TRIM67: variants seen among roughly 807,000 people sequenced by gnomAD.
TRIM67 encodes tripartite motif-containing protein 67.
Under a neutral mutation model 71.0 loss-of-function variants are expected in TRIM67, and 39 were observed. The ratio of observed to expected loss-of-function variants is 0.55; its 90% CI spans 0.43 to 0.72. The LOEUF (loss-of-function observed/expected upper bound fraction) is 0.72. Among genes scored for constraint, TRIM67 ranks in the 30% least tolerant of loss-of-function variants. The pLI is 0.00. For synonymous variants in TRIM67, 481 were observed against 473.9 expected (o/e 1.01, Z -0.19); for missense variants, 973 against 1,079.2 (o/e 0.90, Z 1.38).
At position 231,217,589 on chromosome 1, in the gene TRIM67, G is replaced by GA. The variant is rs11443571; in HGVS notation, c.*2158dup. The GA allele has an allele frequency of 0.034, 33,493 of 993,240 alleles. 1,869 individuals are homozygous for GA. The highest frequency in any genetic ancestry group is 0.25 in the African/African-American group (14,953 of 58,700). 61.5% of individuals were successfully genotyped at this position (993,240 alleles called of 1,614,324 possible). On this transcript the variant is annotated 3_prime_UTR_variant, in exon 10 of 10. Coordinates refer to ENST00000366653, the MANE Select transcript of TRIM67 (RefSeq NM_001004342.5). ...TTTGGGAAGTGTCTAGCTCTCTTCT[G>GA]AAAAAAAAACAGGCCTACACCCTGC...
chr1:231,188,946 A>G (rs1683159604), intron 1 of TRIM67, among the ~76,000 whole-genome samples: 1 of 152,186 alleles, frequency 6.6e-6, no homozygotes, highest in Non-Finnish European at 1.5e-5. Context: ...TGTTCTCCAC[A>G]AGATCCACTT....
rs753688132 is a variant in TRIM67, at chr1:231,213,983, C to T, written c.2286+6C>T. On this transcript the variant is annotated splice_donor_region_variant and intron_variant, in intron 9 of 9. Transcript: ENST00000366653. The stretch of plus-strand genomic sequence containing the variant: ...GCCTCAACCGCAACGTGCAGGTACA[C>T]ACCTCCCCAGGGCCGGACCTGGTCT... The T allele has an allele frequency of 2.4e-5, 39 of 1,605,774 alleles. No individual in the cohort carries two copies. The Admixed American group carries it at 5.4e-4, about 22-fold the overall frequency.
chr1:231,205,474 C>T (rs1045211073), intron 6 of TRIM67, among the ~76,000 whole-genome samples: 14 of 152,014 alleles, frequency 9.2e-5, no homozygotes, highest in Middle Eastern at 3.2e-3. Flanking sequence ...ACCCGTAATC[C>T]CAGCACTTTG....
intron 7 of TRIM67, among the ~76,000 whole-genome samples, chr1:231,208,175 A>ATT (rs533982063): frequency 1.1e-4 from 15 of 138,440 alleles, no homozygotes; most frequent in African/African-American, 2.4e-4. Flanking sequence ...TGTCCAGCGA[A>ATT]TTTTTTTTTT....
chr1:231,201,273 A>G, intron 4 of TRIM67, 85 bp from the exon 5 acceptor site: 1 of 1,441,878 alleles, frequency 6.9e-7, no homozygotes, highest in East Asian at 2.5e-5. Flanking sequence ...TCCCATAGAG[A>G]CAAAGTCCCT....
chr1:231,164,207 A>T (rs912681176), intron 1 of TRIM67, among the ~76,000 whole-genome samples, 194 bp downstream of exon 1: 1 of 152,212 alleles, frequency 6.6e-6, no homozygotes, highest in African/African-American at 2.4e-5. Context: ...TTTGGACTGG[A>T]TGCTGGAGAT....
chr1:231,219,899 C>A lies in TRIM67; in HGVS notation c.*4459C>A. 3.9e-6 allele frequency: 5 copies of A among 1,289,864 alleles called. No individual in the cohort carries two copies. Among genetic ancestry groups the A allele is most frequent in the Non-Finnish European group, 5.1e-6 (5 of 988,908 alleles). 79.9% of individuals were successfully genotyped at this position (1,289,864 alleles called of 1,614,324 possible). On this transcript the variant is annotated 3_prime_UTR_variant, in exon 10 of 10. Transcript: ENST00000366653. ...TAAAAATATGAGGGCAGGTTTCGGG[C>A]AGGATGTATTGATCAGACACCAAGT...
Position 231,209,283 on chromosome 1 carries a change from C to T in TRIM67, c.2123+33C>T. 1.3e-6 allele frequency: 2 copies of T among 1,508,282 alleles called. No homozygotes were observed. Among genetic ancestry groups the T allele is most frequent in the Non-Finnish European group, 1.8e-6 (2 of 1,123,944 alleles). The allele number at this position is 1,508,282 out of a possible 1,614,324, so 93.4% of individuals were successfully genotyped here. ...TGGGCCCCATCCTGCCTCCCGTGGA[C>T]ACAGGTTGTTTGGGAATGAGGGTCC... is the stretch of plus-strand genomic sequence containing the variant. On this transcript the variant is annotated intron_variant, in intron 8 of 9. Coordinates refer to ENST00000366653, the MANE Select transcript of TRIM67 (RefSeq NM_001004342.5). This position sits in a 1 kb window ranked among gnomAD's most constrained non-coding sequence, Gnocchi z 4.1.
intron 8 of TRIM67, among the ~76,000 whole-genome samples, chr1:231,210,602 A>T (rs1291247003): frequency 2.0e-5 from 3 of 151,522 alleles, no homozygotes; most frequent in Non-Finnish European, 2.9e-5. Context: ...TGGCACCCAG[A>T]TACCCTGTTT....
intron 3 of TRIM67, 41 bp downstream of exon 3, chr1:231,199,210 T>G: frequency 6.3e-7 from 1 of 1,599,928 alleles, no homozygotes; most frequent in Non-Finnish European, 8.6e-7. Context: ...CCCTGCCACA[T>G]CCTCTGCACC....
Position 231,217,329 on chromosome 1 carries a change from C to A in TRIM67, c.*1889C>A, listed in dbSNP as rs184781826. 2 of 986,020 alleles carry A rather than the reference C, an allele frequency of 2.0e-6. No homozygotes were observed. The highest frequency in any genetic ancestry group is 6.1e-5 in the Admixed American group (1 of 16,288). The allele number at this position is 986,020 out of a possible 1,614,324, so 61.1% of individuals were successfully genotyped here. ...GCCTCTTCCTTGTCATCTCACCAAGCGGTTTCTGGGTCTCCTCCTCCCATC... is the reference window on the plus strand; with the variant it reads ...GCCTCTTCCTTGTCATCTCACCAAGAGGTTTCTGGGTCTCCTCCTCCCATC... On this transcript the variant is annotated 3_prime_UTR_variant, in exon 10 of 10. Transcript: ENST00000366653.
rs942275035 is a variant in TRIM67, at chr1:231,218,652, C to T, written c.*3212C>T. The T allele has an allele frequency of 3.0e-6, 3 of 985,302 alleles. No homozygotes were observed. Among genetic ancestry groups the T allele is most frequent in the African/African-American group, 3.5e-5 (2 of 57,240 alleles). 61.0% of individuals were successfully genotyped at this position (985,302 alleles called of 1,614,324 possible). ...TTAAAGAGGACACCAGTAATACTGA[C>T]CCACAAGGTAACTGACCTAAACACT... On this transcript the variant is annotated 3_prime_UTR_variant, in exon 10 of 10. Coordinates refer to ENST00000366653, the MANE Select transcript of TRIM67 (RefSeq NM_001004342.5).
At chr1:231,192,732 C>T (rs1196749913) in intron 1 of TRIM67, among the ~76,000 whole-genome samples, 1 of 152,214 alleles carries the variant, frequency 6.6e-6, no homozygotes, top group African/African-American at 2.4e-5. Flanking sequence ...GGCACAGGGC[C>T]CTCACGTGGC....
intron 1 of TRIM67, among the ~76,000 whole-genome samples, chr1:231,193,430 T>G (rs1273208273): frequency 1.3e-5 from 2 of 151,288 alleles, no homozygotes; most frequent in African/African-American, 4.9e-5. Context: ...TAGGTTTAGA[T>G]GTGCTCACAG....
chr1:231,163,234 G>T lies in TRIM67; in HGVS notation c.265G>T (p.Gly89Cys), dbSNP rs961586187. ...AGGCGGGAGTGCAGCTGGCGGCCTC[G>T]GCGGCGGTGCGGGAGGTGGCGGAGA... ...GAGGSAAGGL[G>C]GGAGGGGDHA... Residue 89 changes from glycine (G) to cysteine (C), a missense_variant, in exon 1 of 10, where the codon GGC (glycine) becomes TGC (cysteine). This residue lies in a region of TRIM67 where 795 missense variants were observed against 831.3 expected (regional missense o/e 0.96). Transcript: ENST00000366653. 5 of 1,499,010 alleles carry T rather than the reference G, an allele frequency of 3.3e-6. No homozygotes were observed. The South Asian group carries it at 6.5e-5, about 19-fold the overall frequency. The allele number at this position is 1,499,010 out of a possible 1,614,324, so 92.9% of individuals were successfully genotyped here.
Position 231,216,985 on chromosome 1 carries a change from G to A in TRIM67, c.*1545G>A. 2 of 985,834 alleles carry A rather than the reference G, an allele frequency of 2.0e-6. No individual in the cohort carries two copies. Among genetic ancestry groups the A allele is most frequent in the African/African-American group, 3.5e-5 (2 of 57,356 alleles). The allele number at this position is 985,834 out of a possible 1,614,324, so 61.1% of individuals were successfully genotyped here. On this transcript the variant is annotated 3_prime_UTR_variant, in exon 10 of 10. Transcript: ENST00000366653. ...AGGCTGAGAAGTGACTTGTCAATTTGCTGGACTGGATTTTTATAAAATTCG... is the reference window on the plus strand; with the variant it reads ...AGGCTGAGAAGTGACTTGTCAATTTACTGGACTGGATTTTTATAAAATTCG...
At chr1:231,193,499 T>C (rs1683286580) in intron 1 of TRIM67, among the ~76,000 whole-genome samples, 1 of 138,484 alleles carries the variant, frequency 7.2e-6, no homozygotes, top group African/African-American at 2.8e-5. Context: ...GAACTCTCTC[T>C]CAAGCTCTCT....
chr1:231,185,119 G>A (rs745851983), intron 1 of TRIM67: 134 of 1,532,788 alleles, frequency 8.7e-5, no homozygotes, highest in African/African-American at 1.1e-4. Flanking sequence ...TCCTAAATCC[G>A]AGTTGCTGGC....
Position 231,197,372 on chromosome 1 carries a change from C to A in TRIM67, c.1046C>A (p.Ala349Glu). ...TTCAACATGTGATATCTTTTTCAGG[C>A]ACAACTATCTCAGGCCTTAAATGGA... Reference protein sequence around the residue: ...PLGAMWKQHKAQLSQALNGVS... With the variant: ...PLGAMWKQHKEQLSQALNGVS... The change falls in exon 2 of 10, where the codon GCA becomes GAA. Residue 349 changes from alanine to glutamate, a missense_variant and splice_region_variant. Ala to Glu is a moderately radical substitution (Grantham distance 107). Transcript: ENST00000366653. 1 of 1,612,010 alleles carries A rather than the reference C, an allele frequency of 6.2e-7. No homozygotes were observed. The highest frequency in any genetic ancestry group is 8.5e-7 in the Non-Finnish European group (1 of 1,179,298).
Sources: allele counts gnomAD v4.1 joint callset (sites outside exome capture counted in the v4.1 genomes callset), GRCh38; gene constraint gnomAD v4.1.1; regional missense constraint gnomAD v4.1.1; non-coding constraint Gnocchi (gnomAD v3.1); transcripts MANE v1.5; gene names NCBI Gene and HGNC (gene_info 2026-07-23, HGNC 2026-07-21).